The following CYB5R4 variants were observed in gnomAD, a reference collection of about 807,000 sequenced individuals.
CYB5R4 encodes cytochrome b5 reductase 4, also known as N-terminal cytochrome b5 and cytochrome b5 oxidoreductase domain-containing protein.
In CYB5R4, 55 loss-of-function variants were observed where a neutral mutation model predicts 70.2. The ratio of observed to expected loss-of-function variants is 0.78; its 90% confidence interval spans 0.63 to 0.98. CYB5R4 has a LOEUF of 0.98. Ranked by LOEUF, CYB5R4 falls within the 50% of genes least tolerant of loss-of-function variation. CYB5R4 has a pLI of 0.00. For missense variants in CYB5R4, 562 were observed against 612.6 expected, an observed-to-expected ratio of 0.92 and a Z score of 0.87; for synonymous variants, 197 against 199.5, an observed-to-expected ratio of 0.99 and a Z score of 0.11.
At chr6:83,901,536 A>G (rs1340008930) in intron 3 of CYB5R4, among the ~76,000 whole-genome samples, 1 of 152,050 alleles carries the variant, frequency 6.6e-6, no homozygotes, top group Non-Finnish European at 1.5e-5. Flanking sequence ...GTTCTCCTGG[A>G]TAATATCCTG....
intron 15 of CYB5R4, among the ~76,000 whole-genome samples, chr6:83,958,700 T>G (rs2099472833): frequency 6.6e-6 from 1 of 152,160 alleles, no homozygotes; most frequent in African/African-American, 2.4e-5. Context: ...TGTGTGAGTA[T>G]GTGTATGCCC....
intron 10 of CYB5R4, among the ~76,000 whole-genome samples, chr6:83,928,103 G>A (rs577807880): frequency 6.6e-6 from 1 of 152,208 alleles, no homozygotes; most frequent in Non-Finnish European, 1.5e-5. Context: ...TTTTTACAAG[G>A]ATTTTAGGAG....
At position 83,914,453 on chromosome 6, in the gene CYB5R4, GTC is replaced by G. The variant is rs777110603; in HGVS notation, c.445+7_445+8del. On this transcript the variant is annotated splice_donor_region_variant and intron_variant, in intron 5 of 15. Transcript: ENST00000369681. ...AGGAAAAGAAAGTCTTAAATGGTAA[GTC>G]TATAAATTTATAATAAATGAATCAT... The G allele has an allele frequency of 9.4e-4, 1,424 of 1,514,444 alleles. 1 individual carries two copies. Among genetic ancestry groups the G allele is most frequent in the Non-Finnish European group, 1.1e-3 (1,271 of 1,112,468 alleles). 93.8% of individuals were successfully genotyped at this position (1,514,444 alleles called of 1,614,324 possible).
chr6:83,900,747 T>G (rs2099462789), intron 3 of CYB5R4, among the ~76,000 whole-genome samples: 1 of 152,196 alleles, frequency 6.6e-6, no homozygotes, highest in South Asian at 2.1e-4. Context: ...CTTTTGATCT[T>G]TGTTGGTTTA....
chr6:83,878,784 A>G (rs1327443929), intron 2 of CYB5R4, among the ~76,000 whole-genome samples: 1 of 151,890 alleles, frequency 6.6e-6, no homozygotes, highest in African/African-American at 2.4e-5. Flanking sequence ...TAAGTAGTTG[A>G]GCTAGATTTG....
At chr6:83,955,561 C>T in intron 15 of CYB5R4, 99 bp downstream of exon 15, 1 of 1,090,120 alleles carries the variant, frequency 9.2e-7, no homozygotes, top group Non-Finnish European at 1.3e-6. Flanking sequence ...TGAAACTGCA[C>T]TTTAATAATC....
rs2099462390 is a variant in CYB5R4, at chr6:83,898,895, T to A, written c.330+5273T>A. On this transcript the variant is annotated intron_variant, in intron 3 of 15. Transcript: ENST00000369681. Reference sequence around the variant, plus strand: ...ATGATGGGGTATTCTAAATATACAATCATGTCATCTGCAAACAGGGACAAT... The same window carrying A: ...ATGATGGGGTATTCTAAATATACAAACATGTCATCTGCAAACAGGGACAAT... Among the ~76,000 whole-genome samples, 7 of 152,336 alleles carry A rather than the reference T, an allele frequency of 4.6e-5. No individual in the cohort carries two copies. In the South Asian group the frequency reaches 1.4e-3, roughly 32 times the overall value.
intron 4 of CYB5R4, among the ~76,000 whole-genome samples, chr6:83,910,694 A>G (rs1330985271): frequency 6.6e-6 from 1 of 152,208 alleles, no homozygotes; most frequent in Non-Finnish European, 1.5e-5. Flanking sequence ...TAAGAAAGGA[A>G]TCGTAATCCC....
At chr6:83,922,500 T>C (rs768848180) in intron 9 of CYB5R4, 30 bp downstream of exon 9, 8 of 1,540,334 alleles carry the variant, frequency 5.2e-6, no homozygotes, top group South Asian at 1.1e-5. Flanking sequence ...AAATTATGTA[T>C]GTACGTACAT....
chr6:83,940,067 T>G lies in CYB5R4; in HGVS notation c.1120T>G (p.Ser374Ala). The G allele has an allele frequency of 6.3e-7, 1 of 1,588,324 alleles. No homozygotes were observed. ...LDRLQIGDFV[S>A]VSSPEGNFKI... ...GTTTCATTGTTTAGGAGATTTTGTT[T>G]CTGTAAGCAGTCCTGAGGGCAATTT... is the stretch of plus-strand genomic sequence containing the variant. Residue 374 changes from serine to alanine, a missense_variant, in exon 13 of 16, where the codon TCT becomes GCT. By Grantham distance (99) the Ser-to-Ala change is moderately conservative. Coordinates refer to ENST00000369681, the MANE Select transcript of CYB5R4 (RefSeq NM_016230.4).
chr6:83,891,715 G>A (rs1393465490), intron 2 of CYB5R4, among the ~76,000 whole-genome samples: 1 of 152,170 alleles, frequency 6.6e-6, no homozygotes, highest in Admixed American at 6.5e-5. Flanking sequence ...CACGTCCACG[G>A]AGTGATCCTA....
chr6:83,940,611 T>G lies in CYB5R4; in HGVS notation c.1346+10T>G, dbSNP rs2099469595. On this transcript the variant is annotated intron_variant, in intron 14 of 15. Coordinates refer to ENST00000369681, the MANE Select transcript of CYB5R4 (RefSeq NM_016230.4). Reference sequence around the variant, plus strand: ...CATTTAAAGATAAAAGGTATTAAACTGATATTAGCTCTGCGTTTAGTTATT... The same window carrying G: ...CATTTAAAGATAAAAGGTATTAAACGGATATTAGCTCTGCGTTTAGTTATT... 1 of 1,591,716 alleles carries G rather than the reference T, an allele frequency of 6.3e-7. No homozygotes were observed. Among genetic ancestry groups the G allele is most frequent in the African/African-American group, 1.4e-5 (1 of 73,014 alleles).
rs976204549 is a variant in CYB5R4 at position 83,964,598 on chromosome 6, G to T, written c.*4720G>T. On this transcript the variant is annotated 3_prime_UTR_variant, in exon 16 of 16. Coordinates refer to ENST00000369681, the MANE Select transcript of CYB5R4 (RefSeq NM_016230.4). The stretch of plus-strand genomic sequence containing the variant: ...CAGAAAATTAGCAGCTTGACAATGC[G>T]ATAGAAAAGAAAATCCTATTTTCTG... 6.6e-6 allele frequency: 1 copy of T among 152,308 alleles called. No individual in the cohort carries two copies. The highest frequency in any genetic ancestry group is 1.9e-4 in the East Asian group (1 of 5,186). 9.4% of individuals were successfully genotyped at this position (152,308 alleles called of 1,614,324 possible).
chr6:83,932,526 CA>C (rs946038952), intron 10 of CYB5R4, among the ~76,000 whole-genome samples: 7 of 152,150 alleles, frequency 4.6e-5, no homozygotes, highest in Non-Finnish European at 8.8e-5. Flanking sequence ...TAGACCTGTG[CA>C]AGAGGGTCAC....
At chr6:83,922,764 G>A (rs530204013) in intron 9 of CYB5R4, among the ~76,000 whole-genome samples, 1 of 151,902 alleles carries the variant, frequency 6.6e-6, no homozygotes, top group Non-Finnish European at 1.5e-5. Flanking sequence ...CTGGTTTTGG[G>A]TTTTTTCCTA....
In CYB5R4 at chr6:83,965,481, GTATT is replaced by G. The variant is rs769540778; in HGVS notation, c.*5606_*5609del. The G allele has an allele frequency of 2.6e-5, 4 of 152,310 alleles. No individual in the cohort carries two copies. Among genetic ancestry groups the G allele is most frequent in the Non-Finnish European group, 4.4e-5 (3 of 68,036 alleles). 9.4% of individuals were successfully genotyped at this position (152,310 alleles called of 1,614,324 possible). On this transcript the variant is annotated 3_prime_UTR_variant, in exon 16 of 16. Coordinates refer to ENST00000369681, the MANE Select transcript of CYB5R4 (RefSeq NM_016230.4). ...CCAATTTCTCCCATTTGGAATGGCT[GTATT>G]TACCCAATACCTGTACCCTCATTGT...
At chr6:83,916,315 A>G (rs574704325) in intron 5 of CYB5R4, among the ~76,000 whole-genome samples, 1 of 152,254 alleles carries the variant, frequency 6.6e-6, no homozygotes, top group Non-Finnish European at 1.5e-5. Context: ...ATCAATGTTG[A>G]CTTACAATTT....
chr6:83,924,357 C>A, intron 9 of CYB5R4, 113 bp from the exon 10 acceptor site: 1 of 997,488 alleles, frequency 1.0e-6, no homozygotes, highest in Non-Finnish European at 1.4e-6. Flanking sequence ...CACTAATAAT[C>A]AGTACCATTC....
intron 2 of CYB5R4, among the ~76,000 whole-genome samples, chr6:83,883,036 GAATAGAAACTAAAA>G (rs564363702): frequency 9.7e-4 from 148 of 152,046 alleles, no homozygotes; most frequent in African/African-American, 3.3e-3. Flanking sequence ...ACTCTCAGAA[GAATAGAAACTAAAA>G]AATAGAAATT....
Sources: gnomAD v4.1 joint callset for allele counts (sites outside exome capture counted in the v4.1 genomes callset) on GRCh38, gnomAD v4.1.1 for gene constraint, MANE v1.5 for transcripts, NCBI Gene and HGNC (gene_info 2026-07-23, HGNC 2026-07-21) for gene names.